The following SENP7 variants were observed in gnomAD, a reference collection of about 807,000 sequenced individuals.
The protein encoded by SENP7 is SUMO specific peptidase 7, also known as sentrin-specific protease 7.
In SENP7, 64 loss-of-function variants were observed where a neutral mutation model predicts 141.2. That is an observed-to-expected ratio of 0.45 (90% confidence interval 0.37 to 0.56). The LOEUF (loss-of-function observed/expected upper bound fraction) is 0.56. SENP7 is among the 20% of genes least tolerant of loss of function. The pLI is 0.00. For missense variants in SENP7, 1,025 were observed against 1,212.2 expected, an observed-to-expected ratio of 0.85 and a Z score of 2.29; for synonymous variants, 382 against 426.4, an observed-to-expected ratio of 0.90 and a Z score of 1.28.
chr3:101,498,752 G>A (rs941661026), intron 2 of SENP7, among the ~76,000 whole-genome samples: 14 of 152,112 alleles, frequency 9.2e-5, no homozygotes, highest in East Asian at 3.9e-4. Flanking sequence ...CGAGCAGCAC[G>A]GGAGAATTAG....
At chr3:101,442,251 A>T (rs771045088) in intron 4 of SENP7, among the ~76,000 whole-genome samples, 16 of 152,204 alleles carry the variant, frequency 1.1e-4, no homozygotes, top group Admixed American at 2.6e-4. Flanking sequence ...TAAGGCAGCG[A>T]TCCCCAACTT....
chr3:101,513,124 T>C lies in SENP7; in HGVS notation c.7A>G (p.Lys3Glu). The C allele has an allele frequency of 6.2e-7, 1 of 1,612,476 alleles. No homozygotes were observed. Among genetic ancestry groups the C allele is most frequent in the Non-Finnish European group, 8.5e-7 (1 of 1,179,732 alleles). Residue 3 changes from lysine (K) to glutamate (E), a missense_variant, in exon 1 of 24, where the codon AAG (lysine) becomes GAG (glutamate). Coordinates refer to ENST00000394095, the MANE Select transcript of SENP7 (RefSeq NM_020654.5). MD[K>E]RKLGRRPSSS... ...GATGGCCGTCGCCCGAGCTTTCTCT[T>C]GTCCATCTTCTCCCGCTGCTGAAAT...
intron 4 of SENP7, among the ~76,000 whole-genome samples, chr3:101,432,682 C>T (rs980545148): frequency 1.3e-5 from 2 of 152,208 alleles, no homozygotes; most frequent in African/African-American, 4.8e-5. Flanking sequence ...ACAAGACTAT[C>T]AAGACAGTAT....
intron 4 of SENP7, among the ~76,000 whole-genome samples, chr3:101,430,340 T>C (rs990757418): frequency 1.3e-5 from 2 of 152,238 alleles, no homozygotes; most frequent in African/African-American, 4.8e-5. Context: ...GTTGGCAGGC[T>C]ATTAGTTATT....
intron 1 of SENP7, among the ~76,000 whole-genome samples, chr3:101,502,192 C>T (rs771376145): frequency 2.6e-5 from 4 of 152,212 alleles, no homozygotes; most frequent in Non-Finnish European, 4.4e-5. Context: ...ACTGGGTGTT[C>T]ACACGCATCT....
intron 12 of SENP7, among the ~76,000 whole-genome samples, chr3:101,349,251 G>A (rs910229188): frequency 2.6e-5 from 4 of 152,090 alleles, no homozygotes; most frequent in Admixed American, 1.3e-4. Flanking sequence ...TGGCAGCAAA[G>A]CTTAAATCAA....
chr3:101,476,214 T>A (rs2064208862), intron 3 of SENP7, among the ~76,000 whole-genome samples: 1 of 152,200 alleles, frequency 6.6e-6, no homozygotes, highest in Non-Finnish European at 1.5e-5. Context: ...ACCCGTCATC[T>A]ACATTAAGTA....
At chr3:101,393,817 G>T (rs562154735) in intron 6 of SENP7, among the ~76,000 whole-genome samples, 3 of 152,104 alleles carry the variant, frequency 2.0e-5, no homozygotes, top group South Asian at 2.1e-4. Flanking sequence ...GCAGAAGTGC[G>T]CAAAAAGACT....
intron 3 of SENP7, among the ~76,000 whole-genome samples, chr3:101,488,569 C>A (rs375762906): frequency 2.0e-5 from 3 of 152,182 alleles, no homozygotes; most frequent in Admixed American, 6.5e-5. Context: ...AGGCCAGGCG[C>A]GGTGGCTCAT....
intron 18 of SENP7, among the ~76,000 whole-genome samples, chr3:101,332,343 C>T (rs1052440606): frequency 1.3e-5 from 2 of 152,120 alleles, no homozygotes; most frequent in African/African-American, 4.8e-5. Context: ...TATTTACTTT[C>T]ATACAATCGG....
At chr3:101,434,461 T>C (rs571528352) in intron 4 of SENP7, among the ~76,000 whole-genome samples, 1 of 151,614 alleles carries the variant, frequency 6.6e-6, no homozygotes, top group Non-Finnish European at 1.5e-5. Context: ...ATTTTAAAAA[T>C]ACAAAAGATT....
intron 4 of SENP7, among the ~76,000 whole-genome samples, chr3:101,441,327 C>T (rs898581508): frequency 2.0e-5 from 3 of 152,168 alleles, no homozygotes; most frequent in Admixed American, 2.0e-4. Flanking sequence ...CCATGCACAC[C>T]ACCTGGGGAC....
intron 4 of SENP7, among the ~76,000 whole-genome samples, chr3:101,457,035 T>A (rs2063376249): frequency 6.6e-6 from 1 of 152,190 alleles, no homozygotes; most frequent in Admixed American, 6.6e-5. Flanking sequence ...ATTCTCAGGC[T>A]TCTTCGGCTT....
At chr3:101,451,950 A>G (rs936080035) in intron 4 of SENP7, among the ~76,000 whole-genome samples, 2 of 152,236 alleles carry the variant, frequency 1.3e-5, no homozygotes, top group African/African-American at 4.8e-5. Context: ...ACATGATTGT[A>G]TATCTAGAAA....
intron 6 of SENP7, among the ~76,000 whole-genome samples, chr3:101,381,434 C>A (rs1381272460): frequency 1.3e-5 from 2 of 151,868 alleles, no homozygotes; most frequent in South Asian, 2.1e-4. Context: ...TGATTATAAT[C>A]ATTTAATCCA....
At chr3:101,442,739 G>C (rs947400459) in intron 4 of SENP7, among the ~76,000 whole-genome samples, 1 of 151,932 alleles carries the variant, frequency 6.6e-6, no homozygotes, top group African/African-American at 2.4e-5. Flanking sequence ...CAATAGAAGA[G>C]TTCAATTAAT....
chr3:101,413,721 TAA>T (rs1270874339), intron 5 of SENP7, among the ~76,000 whole-genome samples: 3 of 111,922 alleles, frequency 2.7e-5, no homozygotes, highest in Non-Finnish European at 1.8e-5. Context: ...AAGGCTTCCT[TAA>T]AAAAAAAAAG....
intron 11 of SENP7, among the ~76,000 whole-genome samples, chr3:101,353,271 G>A (rs771154198): frequency 4.0e-5 from 6 of 151,808 alleles, no homozygotes; most frequent in Non-Finnish European, 5.9e-5. Flanking sequence ...AAACAGAAGC[G>A]GTGTTTGCCT....
intron 4 of SENP7, among the ~76,000 whole-genome samples, chr3:101,449,390 G>C (rs979008414): frequency 2.0e-5 from 3 of 152,036 alleles, no homozygotes; most frequent in Admixed American, 2.0e-4. Context: ...GATACTCCTC[G>C]AGAAGAGCAA....
Sources: gnomAD v4.1 joint callset for allele counts (sites outside exome capture counted in the v4.1 genomes callset) on GRCh38, gnomAD v4.1.1 for gene constraint, MANE v1.5 for transcripts, NCBI Gene and HGNC (gene_info 2026-07-23, HGNC 2026-07-21) for gene names.